The following FNDC3A variants were observed in gnomAD, a reference collection of about 807,000 sequenced individuals.
FNDC3A encodes the protein fibronectin type-III domain-containing protein 3A.
FNDC3A carries 32 observed loss-of-function variants against 148.9 expected under a neutral mutation model. The ratio of observed to expected loss-of-function variants is 0.21; its 90% CI spans 0.16 to 0.29. FNDC3A has a LOEUF of 0.29. Among genes scored for constraint, FNDC3A ranks in the 10% least tolerant of loss-of-function variants. The pLI is 1.00. For synonymous variants in FNDC3A, 472 were observed against 473.6 expected (o/e 1.00, Z 0.04); for missense variants, 1,191 against 1,452.8 (o/e 0.82, Z 2.93).
chr13:49,111,277 G>A (rs551549681), intron 3 of FNDC3A, among the ~76,000 whole-genome samples: 158 of 152,256 alleles, frequency 1.0e-3, no homozygotes, highest in Non-Finnish European at 1.2e-3. Context: ...AGACACAGGA[G>A]TAACAACAGA....
chr13:48,999,472 C>T (rs1391126943), intron 1 of FNDC3A, among the ~76,000 whole-genome samples: 2 of 152,144 alleles, frequency 1.3e-5, no homozygotes, highest in Admixed American at 6.5e-5. Flanking sequence ...AATTGTACCT[C>T]TACCTTCACC....
intron 4 of FNDC3A, among the ~76,000 whole-genome samples, chr13:49,116,327 T>C (rs1880954294): frequency 6.6e-6 from 1 of 152,228 alleles, no homozygotes. Context: ...TTCCTGAGAC[T>C]ATGAATTCTT....
Position 49,011,185 on chromosome 13 carries a change from A to G in FNDC3A, c.99+4896A>G, listed in dbSNP as rs1952335518. 2.0e-5 allele frequency among the ~76,000 whole-genome samples: 3 copies of G among 151,944 alleles called. No individual in the cohort carries two copies. The South Asian group carries it at 6.2e-4, about 31-fold the overall frequency. ...TCTTAGTCAGTCATAAGTGTAGTGAATATTCTCTCCTGTTCCCCTGTTCTG... is the reference window on the plus strand; with the variant it reads ...TCTTAGTCAGTCATAAGTGTAGTGAGTATTCTCTCCTGTTCCCCTGTTCTG... On this transcript the variant is annotated intron_variant, in intron 2 of 25. Coordinates refer to ENST00000492622, the MANE Select transcript of FNDC3A (RefSeq NM_001079673.2).
intron 8 of FNDC3A, among the ~76,000 whole-genome samples, chr13:49,162,181 G>A (rs1884175980): frequency 6.6e-6 from 1 of 152,084 alleles, no homozygotes; most frequent in African/African-American, 2.4e-5. Flanking sequence ...AAGTTCTCCT[G>A]GATAATATCC....
chr13:49,027,166 T>A (rs1220152035), intron 2 of FNDC3A, among the ~76,000 whole-genome samples: 1 of 152,212 alleles, frequency 6.6e-6, no homozygotes, highest in African/African-American at 2.4e-5. Context: ...AGTGGCAGAT[T>A]TGAGACTAGA....
intron 1 of FNDC3A, among the ~76,000 whole-genome samples, chr13:48,991,468 G>T (rs1248072129): frequency 1.3e-5 from 2 of 151,950 alleles, no homozygotes; most frequent in East Asian, 3.9e-4. Flanking sequence ...GGTTGAATCA[G>T]TTGAGTCCAG....
chr13:49,197,581 T>TG (rs1396967576), intron 20 of FNDC3A, 144 bp from the exon 21 acceptor site: 1 of 614,152 alleles, frequency 1.6e-6, no homozygotes. Context: ...AATGTAAAAT[T>TG]GAACAGTTTT....
intron 17 of FNDC3A, among the ~76,000 whole-genome samples, chr13:49,190,492 T>C (rs1201074508): frequency 6.6e-6 from 1 of 152,184 alleles, no homozygotes; most frequent in Non-Finnish European, 1.5e-5. Flanking sequence ...CATTCCATCC[T>C]GGGCAACATA....
chr13:49,107,858 C>G (rs1293310763), intron 3 of FNDC3A, among the ~76,000 whole-genome samples: 1 of 152,056 alleles, frequency 6.6e-6, no homozygotes, highest in Non-Finnish European at 1.5e-5. Flanking sequence ...ATAAACATGC[C>G]AGTCTGAGTA....
At chr13:49,096,817 C>T (rs1879554583) in intron 3 of FNDC3A, among the ~76,000 whole-genome samples, 1 of 152,002 alleles carries the variant, frequency 6.6e-6, no homozygotes, top group Non-Finnish European at 1.5e-5. Context: ...TGTGGGAGGC[C>T]AGGGTAGGAA....
At chr13:49,001,015 A>G (rs1336150702) in intron 1 of FNDC3A, among the ~76,000 whole-genome samples, 1 of 151,682 alleles carries the variant, frequency 6.6e-6, no homozygotes, top group Non-Finnish European at 1.5e-5. Flanking sequence ...CTATAAGATT[A>G]TATTGTCTGT....
intron 4 of FNDC3A, among the ~76,000 whole-genome samples, chr13:49,127,244 A>G (rs1881756806): frequency 6.6e-6 from 1 of 152,164 alleles, no homozygotes; most frequent in African/African-American, 2.4e-5. Flanking sequence ...TATTTTCATT[A>G]GTATCTTGAG....
rs79948910 is a variant in FNDC3A, at chr13:49,167,197, A to G, written c.978-47A>G. 1,633 of 1,233,442 alleles carry G rather than the reference A, an allele frequency of 1.3e-3. 23 individuals carry two copies. The African/African-American group carries it at 0.021, about 16-fold the overall frequency. 76.4% of individuals were successfully genotyped at this position (1,233,442 alleles called of 1,614,324 possible). ...TAGTGTATATAATGTACATTGGTTG[A>G]AAATGCTTTATTTATCAGACATGAT... is the stretch of plus-strand genomic sequence containing the variant. On this transcript the variant is annotated intron_variant, in intron 8 of 25. Transcript: ENST00000492622.
chr13:49,109,060 G>A (rs1009211474), intron 3 of FNDC3A, among the ~76,000 whole-genome samples: 2 of 152,050 alleles, frequency 1.3e-5, no homozygotes, highest in Non-Finnish European at 2.9e-5. Context: ...CCTTTGCCTC[G>A]CTTTGTGCCC....
At chr13:49,201,178 CAT>C (rs754613147) in intron 23 of FNDC3A, 14 of 301,086 alleles carry the variant, frequency 4.6e-5, no homozygotes, top group Admixed American at 2.4e-4. Flanking sequence ...TTATAGATAA[CAT>C]ATTAGGAGAA....
chr13:48,977,343 T>TA (rs1202631038), intron 1 of FNDC3A, among the ~76,000 whole-genome samples: 1 of 152,246 alleles, frequency 6.6e-6, no homozygotes, highest in East Asian at 1.9e-4. Flanking sequence ...GTTGAACTCT[T>TA]ACTATAATAT....
intron 4 of FNDC3A, among the ~76,000 whole-genome samples, chr13:49,128,702 G>A (rs992446464): frequency 1.3e-5 from 2 of 152,100 alleles, no homozygotes; most frequent in Non-Finnish European, 2.9e-5. Flanking sequence ...CCCTATCACC[G>A]CTTCATTTCT....
At position 49,060,563 on chromosome 13, in the gene FNDC3A, G is replaced by A. The variant is rs571481645; in HGVS notation, c.100-14726G>A. 2.1e-5 allele frequency among the ~76,000 whole-genome samples: 3 copies of A among 144,006 alleles called. No individual in the cohort carries two copies. In the East Asian group the frequency reaches 6.4e-4, roughly 31 times the overall value. The allele number at this position is 144,006 out of a possible 152,430, so 94.5% of individuals were successfully genotyped here. On this transcript the variant is annotated intron_variant, in intron 2 of 25. Transcript: ENST00000492622. Reference sequence around the variant, plus strand: ...GGAGGCTGAAGCAAGAGAATCGCTTGAACCCAGGAGGCGGAGGTTGCAGTG... The same window carrying A: ...GGAGGCTGAAGCAAGAGAATCGCTTAAACCCAGGAGGCGGAGGTTGCAGTG...
chr13:49,030,723 CA>C (rs1874049417), intron 2 of FNDC3A, among the ~76,000 whole-genome samples: 1 of 151,802 alleles, frequency 6.6e-6, no homozygotes, highest in Admixed American at 6.6e-5. Context: ...GGGCAATGAA[CA>C]ATCTGAAAAT....
Sources: allele counts gnomAD v4.1 joint callset (sites outside exome capture counted in the v4.1 genomes callset), GRCh38; gene constraint gnomAD v4.1.1; transcripts MANE v1.5; gene names NCBI Gene and HGNC (gene_info 2026-07-23, HGNC 2026-07-21).